Variants in OVCH2 observed in about 807,000 individuals in gnomAD.
The protein encoded by OVCH2 is ovochymase 2.
A neutral mutation model predicts 73.7 loss-of-function variants in OVCH2; 88 were observed. The ratio of observed to expected loss-of-function variants is 1.19; its 90% confidence interval spans 1.01 to 1.43. The LOEUF (loss-of-function observed/expected upper bound fraction) is 1.43, where lower values mean the gene tolerates loss of function less well. OVCH2 is among the 40% of genes most tolerant of loss of function. The probability of loss-of-function intolerance (pLI) is 0.00; values close to 1 mark genes in which losing one functional copy is unlikely to be tolerated. For missense variants in OVCH2, 706 were observed against 674.5 expected (o/e 1.05, Z -0.52); for synonymous variants, 265 against 234.5 (o/e 1.13, Z -1.19).
intron 15 of OVCH2, 146 bp downstream of exon 15, chr11:7,689,778 C>G: frequency 1.4e-6 from 1 of 697,408 alleles, no homozygotes; most frequent in Non-Finnish European, 2.6e-6. Flanking sequence ...AACCCTATCT[C>G]TAAATAAGGT....
In OVCH2 at chr11:7,691,388, C is replaced by T; in HGVS notation, c.1520G>A (p.Gly507Asp). Residue 507 changes from glycine to aspartate, a missense_variant, in exon 14 of 16, where the codon GGC becomes GAC. Coordinates refer to ENST00000533663, the MANE Select transcript of OVCH2 (RefSeq NM_198185.7). ...CAGCACAGGGGTGGGGACATCATAGCCACACAGCCGAGCTTGTTGAAGGCC... is the reference window on the plus strand; with the variant it reads ...CAGCACAGGGGTGGGGACATCATAGTCACACAGCCGAGCTTGTTGAAGGCC... ...ERKKEIARLC[G>D]YDVPTPVLSP... The T allele has an allele frequency of 1.2e-6, 2 of 1,612,832 alleles. No homozygotes were observed. The highest frequency in any genetic ancestry group is 1.3e-5 in the African/African-American group (1 of 75,010).
At chr11:7,678,803 G>A in the OVCH2 span, among the ~76,000 whole-genome samples, 7 of 152,124 alleles carry the variant, frequency 4.6e-5, no homozygotes, top group Non-Finnish European at 8.8e-5. Flanking sequence ...AGGAAGGGAA[G>A]GAGGCATGGA....
In OVCH2 at chr11:7,703,724, G is replaced by C. The variant is rs548098506; in HGVS notation, c.264C>G (p.Ile88Met). The C allele has an allele frequency of 1.9e-6, 3 of 1,609,960 alleles. No individual in the cohort carries two copies. The highest frequency in any genetic ancestry group is 1.7e-5 in the Admixed American group (1 of 59,524). Reference protein sequence around the residue: ...GGSIVSPQWVITAAHCIANRN... With the variant: ...GGSIVSPQWVMTAAHCIANRN... ...TGTTTGCAATGCAGTGAGCCGCCGT[G>C]ATCACCCACTGTGGTGAGACGATGC... The change falls in exon 3 of 16, where the codon ATC (isoleucine) becomes ATG (methionine). Residue 88 changes from isoleucine to methionine, a missense_variant. By Grantham distance (10) the Ile-to-Met change is conservative. Coordinates refer to ENST00000533663, the MANE Select transcript of OVCH2 (RefSeq NM_198185.7).
intron 14 of OVCH2, 197 bp downstream of exon 14, chr11:7,691,072 G>T: frequency 1.7e-6 from 1 of 580,030 alleles, no homozygotes; most frequent in Non-Finnish European, 2.9e-6. Flanking sequence ...AATGTACCTT[G>T]AAGGCACCTA....
At chr11:7,685,018 A>T (rs1483145176), downstream of OVCH2, among the ~76,000 whole-genome samples, 1 of 152,188 alleles carries the variant, frequency 6.6e-6, no homozygotes, top group African/African-American at 2.4e-5. Flanking sequence ...AGTCTGCTTT[A>T]AACACTGGGA....
At chr11:7,679,923 C>G in the OVCH2 span, among the ~76,000 whole-genome samples, 1 of 152,268 alleles carries the variant, frequency 6.6e-6, no homozygotes, top group Admixed American at 6.5e-5. Flanking sequence ...CGTGGAGGTC[C>G]CTAGGGCACA....
At chr11:7,679,647 C>CA in the OVCH2 span, among the ~76,000 whole-genome samples, 1 of 152,156 alleles carries the variant, frequency 6.6e-6, no homozygotes, top group Non-Finnish European at 1.5e-5. Flanking sequence ...CCCAGACATG[C>CA]AAAACTGTGA....
At chr11:7,686,486 C>T (rs1202455473), downstream of OVCH2, among the ~76,000 whole-genome samples, 3 of 152,174 alleles carry the variant, frequency 2.0e-5, no homozygotes, top group African/African-American at 7.2e-5. Context: ...GATGAACAAG[C>T]AAGTACTACC....
intron 6 of OVCH2, 140 bp downstream of exon 6, chr11:7,701,184 C>G: frequency 8.7e-7 from 1 of 1,155,200 alleles, no homozygotes. Context: ...CTTATAGCTT[C>G]TTCAAGACTA....
chr11:7,701,817 G>A lies in OVCH2; in HGVS notation c.464-6C>T, dbSNP rs1415581819. ...TATGGGCCCCACAAAGTGGCCTGAAGAAAAGAGCAAGGTAGGGCTTGTCTC... is the reference window on the plus strand; with the variant it reads ...TATGGGCCCCACAAAGTGGCCTGAAAAAAAGAGCAAGGTAGGGCTTGTCTC... On this transcript the variant is annotated splice_region_variant and splice_polypyrimidine_tract_variant and intron_variant, in intron 4 of 15. Transcript: ENST00000533663. 6 of 1,605,208 alleles carry A rather than the reference G, an allele frequency of 3.7e-6. No individual in the cohort carries two copies. The highest frequency in any genetic ancestry group is 2.3e-5 in the East Asian group (1 of 44,362).
chr11:7,693,111 A>G (rs980634481), intron 12 of OVCH2, among the ~76,000 whole-genome samples: 1 of 151,994 alleles, frequency 6.6e-6, no homozygotes, highest in South Asian at 2.1e-4. Context: ...GCACTAGCCA[A>G]TTGAATTTGA....
At position 7,700,303 on chromosome 11, in the gene OVCH2, G is replaced by A; in HGVS notation, c.894C>T (p.Ile298=). The A allele has an allele frequency of 6.2e-7, 1 of 1,613,646 alleles. No homozygotes were observed. Among genetic ancestry groups the A allele is most frequent in the Non-Finnish European group, 8.5e-7 (1 of 1,179,734 alleles). The change falls in exon 7 of 16, where the codon ATC becomes ATT. Residue 298 remains isoleucine, a synonymous_variant. Coordinates refer to ENST00000533663, the MANE Select transcript of OVCH2 (RefSeq NM_198185.7). ...GTGTGATGGCTTAGTTACCAGTTTGGATGTGTTCGTGGATCCAGGGAAGCA... is the reference window on the plus strand; with the variant it reads ...GTGTGATGGCTTAGTTACCAGTTTGAATGTGTTCGTGGATCCAGGGAAGCA... ...SKVLPWIHEH[I]QTGNRRKSSR... is the part of the protein sequence containing the mutation.
chr11:7,690,680 G>A lies in OVCH2; in HGVS notation c.1639+589C>T, dbSNP rs946479364. Among the ~76,000 whole-genome samples, 27 of 152,114 alleles carry A rather than the reference G, an allele frequency of 1.8e-4. No homozygotes were observed. In the East Asian group the frequency reaches 3.9e-3, roughly 22 times the overall value. Reference sequence around the variant, plus strand: ...AAAAAATACATGTTGTTAGACACACGTTTCCACACGAGGTAAAACAAGGCA... The same window carrying A: ...AAAAAATACATGTTGTTAGACACACATTTCCACACGAGGTAAAACAAGGCA... On this transcript the variant is annotated intron_variant, in intron 14 of 15. Transcript: ENST00000533663.
At chr11:7,683,233 C>G in the OVCH2 span, among the ~76,000 whole-genome samples, 2 of 152,196 alleles carry the variant, frequency 1.3e-5, no homozygotes, top group African/African-American at 4.8e-5. Context: ...GCAAATCAAA[C>G]TTGGCATGAT....
At position 7,703,717 on chromosome 11, in the gene OVCH2, C is replaced by A; in HGVS notation, c.271G>T (p.Ala91Ser). ...TCTTACCTGTTTGCAATGCAGTGAG[C>A]CGCCGTGATCACCCACTGTGGTGAG... The part of the protein sequence containing the change: ...IVSPQWVITA[A>S]HCIANRNIVS... The change falls in exon 3 of 16, where the codon GCT becomes TCT. Residue 91 changes from alanine (A) to serine (S), a missense_variant. Transcript: ENST00000533663. The A allele has an allele frequency of 6.2e-7, 1 of 1,607,352 alleles. No homozygotes were observed. The highest frequency in any genetic ancestry group is 8.5e-7 in the Non-Finnish European group (1 of 1,176,934).
chr11:7,696,276 T>C (rs1043702349), intron 10 of OVCH2, among the ~76,000 whole-genome samples, 189 bp downstream of exon 10: 10 of 152,184 alleles, frequency 6.6e-5, no homozygotes, highest in Non-Finnish European at 1.2e-4. Flanking sequence ...GGCAAGTAAA[T>C]TGCCCTGTGA....
At chr11:7,699,716 T>C (rs1856399961) in intron 7 of OVCH2, 1 of 152,234 alleles carries the variant, frequency 6.6e-6, no homozygotes, top group East Asian at 1.9e-4. Flanking sequence ...CCAGGGATTC[T>C]CATTGTTGGT....
At chr11:7,688,915 A>T (rs1174730934), downstream of OVCH2, among the ~76,000 whole-genome samples, 1 of 152,240 alleles carries the variant, frequency 6.6e-6, no homozygotes, top group African/African-American at 2.4e-5. Context: ...AATTTGGCAC[A>T]GAAAGTAGTC....
intron 10 of OVCH2, among the ~76,000 whole-genome samples, chr11:7,696,128 G>C (rs752388396): frequency 6.6e-6 from 1 of 152,178 alleles, no homozygotes; most frequent in Non-Finnish European, 1.5e-5. Flanking sequence ...GGCAGGGAAA[G>C]GTCATTTTCA....
Sources: gnomAD v4.1 joint callset for allele counts (sites outside exome capture counted in the v4.1 genomes callset) on GRCh38, gnomAD v4.1.1 for gene constraint, MANE v1.5 for transcripts, NCBI Gene and HGNC (gene_info 2026-07-23, HGNC 2026-07-21) for gene names.